RUNX1: variants seen among roughly 807,000 people sequenced by gnomAD.
RUNX1 encodes RUNX family transcription factor 1.
In RUNX1, 19 loss-of-function variants were observed where a neutral mutation model predicts 42.8. That is an observed-to-expected ratio of 0.44 (90% CI 0.31 to 0.65). RUNX1 has a LOEUF of 0.65. Among genes scored for constraint, RUNX1 ranks in the 30% least tolerant of loss-of-function variants. The probability of loss-of-function intolerance (pLI) is 0.07; values close to 1 mark genes in which losing one functional copy is unlikely to be tolerated. For synonymous variants in RUNX1, 271 were observed against 289.4 expected, an observed-to-expected ratio of 0.94 and a Z score of 0.64; for missense variants, 528 against 672.0, an observed-to-expected ratio of 0.79 and a Z score of 2.37.
At chr21:35,005,808 T>C (rs866144493) in intron 2 of RUNX1, among the ~76,000 whole-genome samples, 8 of 152,340 alleles carry the variant, frequency 5.3e-5, no homozygotes, top group Admixed American at 6.5e-5. Flanking sequence ...TTGAATTTCA[T>C]GCCAGTGTCA....
rs2057997947 is a variant in RUNX1, at chr21:34,886,872, A to T, written c.322T>A (p.Cys108Ser). 6.2e-7 allele frequency: 1 copy of T among 1,613,466 alleles called. No homozygotes were observed. Among genetic ancestry groups the T allele is most frequent in the African/African-American group, 1.3e-5 (1 of 74,896 alleles). The change falls in exon 4 of 9, where the codon TGC (cysteine) becomes AGC (serine). Residue 108 changes from cysteine to serine, a missense_variant. By Grantham distance (112) the Cys-to-Ser change is moderately radical (BLOSUM62 -1). Coordinates refer to ENST00000675419, the MANE Select transcript of RUNX1 (RefSeq NM_001754.5). ...AAAGCGATGGGCAGGGTCTTGTTGC[A>T]GCGCCAGTGCGTAGGCAGCACGGAG... The part of the protein sequence containing the change: ...LCSVLPTHWR[C>S]NKTLPIAFKV...
chr21:34,970,936 G>T (rs1240862312), intron 2 of RUNX1, among the ~76,000 whole-genome samples: 1 of 152,178 alleles, frequency 6.6e-6, no homozygotes, highest in African/African-American at 2.4e-5. Context: ...TTGCAGTAAT[G>T]GCTCAACTAC....
intron 2 of RUNX1, among the ~76,000 whole-genome samples, chr21:34,980,024 G>A (rs1438885035): frequency 2.0e-5 from 3 of 152,196 alleles, no homozygotes; most frequent in Non-Finnish European, 2.9e-5. Flanking sequence ...TAAACAACAC[G>A]AATCCTGCAG....
chr21:34,998,821 G>A (rs1216089727), intron 2 of RUNX1, among the ~76,000 whole-genome samples: 2 of 152,176 alleles, frequency 1.3e-5, no homozygotes, highest in Non-Finnish European at 2.9e-5. Flanking sequence ...GATTACAGGC[G>A]TGAGCCACCG....
intron 2 of RUNX1, among the ~76,000 whole-genome samples, chr21:34,946,729 G>A (rs2058565864): frequency 6.6e-6 from 1 of 152,170 alleles, no homozygotes; most frequent in Non-Finnish European, 1.5e-5. Flanking sequence ...AGGGCTGTCT[G>A]GTGACCTACA....
At chr21:34,822,092 G>A (rs2056916753) in intron 7 of RUNX1, among the ~76,000 whole-genome samples, 1 of 152,196 alleles carries the variant, frequency 6.6e-6, no homozygotes, top group Non-Finnish European at 1.5e-5. Flanking sequence ...GAGAATGTTA[G>A]TTAGGGGTGA....
At chr21:34,891,502 G>C (rs1601539730) in intron 3 of RUNX1, among the ~76,000 whole-genome samples, 2 of 152,228 alleles carry the variant, frequency 1.3e-5, no homozygotes, top group Non-Finnish European at 2.9e-5. Context: ...TAGTCGGCCG[G>C]GCATTTTACG....
At chr21:34,807,122 A>G (rs2056690860) in intron 7 of RUNX1, among the ~76,000 whole-genome samples, 1 of 152,150 alleles carries the variant, frequency 6.6e-6, no homozygotes, top group Non-Finnish European at 1.5e-5. Flanking sequence ...ACTAGGAACC[A>G]GTGAAATTAA....
intron 2 of RUNX1, among the ~76,000 whole-genome samples, chr21:34,991,940 G>GGAGTGCTGGC (rs1402535807): frequency 6.6e-6 from 1 of 152,212 alleles, no homozygotes; most frequent in Non-Finnish European, 1.5e-5. Flanking sequence ...CAGAAGCTAA[G>GGAGTGCTGGC]GAGTGCTGGC....
intron 2 of RUNX1, among the ~76,000 whole-genome samples, chr21:34,949,908 G>C (rs1015974984): frequency 1.3e-5 from 2 of 152,190 alleles, no homozygotes; most frequent in African/African-American, 4.8e-5. Flanking sequence ...ATGTCCCTCC[G>C]AACTGACTGG....
intron 7 of RUNX1, among the ~76,000 whole-genome samples, chr21:34,814,000 A>G (rs1392380465): frequency 6.6e-6 from 1 of 152,118 alleles, no homozygotes; most frequent in Non-Finnish European, 1.5e-5. Flanking sequence ...CCTCCCATCA[A>G]TCTAGTTACC....
At chr21:34,868,248 C>T (rs374398560) in intron 5 of RUNX1, among the ~76,000 whole-genome samples, 5 of 152,058 alleles carry the variant, frequency 3.3e-5, no homozygotes, top group East Asian at 1.9e-4. Context: ...ACATGCCTGG[C>T]GCTGCTTGAA....
At chr21:34,993,719 G>GCA (rs772316421) in intron 2 of RUNX1, among the ~76,000 whole-genome samples, 2 of 23,696 alleles carry the variant, frequency 8.4e-5, no homozygotes, top group East Asian at 9.3e-4. Context: ...ACACACACAG[G>GCA]CACACACACA....
intron 5 of RUNX1, among the ~76,000 whole-genome samples, chr21:34,860,287 T>C (rs919242283): frequency 1.3e-5 from 2 of 152,230 alleles, no homozygotes; most frequent in African/African-American, 4.8e-5. Context: ...AAAATCTTCA[T>C]TGCATAGATT....
chr21:34,802,745 T>C (rs766035150), intron 7 of RUNX1, among the ~76,000 whole-genome samples: 2 of 152,174 alleles, frequency 1.3e-5, no homozygotes, highest in Non-Finnish European at 2.9e-5. Flanking sequence ...GTTCTGCCTC[T>C]GAGAGGAGGA....
intron 2 of RUNX1, among the ~76,000 whole-genome samples, chr21:34,924,846 G>A (rs982377398): frequency 2.6e-5 from 4 of 152,216 alleles, no homozygotes; most frequent in African/African-American, 9.6e-5. Context: ...TCTGGAGGGA[G>A]CCTGCTTCCT....
chr21:35,046,920 G>A (rs918286907), intron 2 of RUNX1, among the ~76,000 whole-genome samples: 4 of 152,180 alleles, frequency 2.6e-5, no homozygotes, highest in African/African-American at 9.6e-5. Flanking sequence ...AAAGCTAACC[G>A]ACCCTTGTTC....
chr21:35,031,176 C>T (rs2059270440), intron 2 of RUNX1, among the ~76,000 whole-genome samples: 1 of 152,170 alleles, frequency 6.6e-6, no homozygotes, highest in Non-Finnish European at 1.5e-5. Flanking sequence ...TGGAGAGACC[C>T]TGTCTCTACT....
At chr21:34,859,214 C>G (rs922411335) in intron 6 of RUNX1, 2 of 524,448 alleles carry the variant, frequency 3.8e-6, no homozygotes, top group African/African-American at 3.8e-5. Context: ...TCATGCTGCC[C>G]TGAATGGTTC....
Sources: allele counts gnomAD v4.1 joint callset (sites outside exome capture counted in the v4.1 genomes callset), GRCh38; gene constraint gnomAD v4.1.1; transcripts MANE v1.5; gene names NCBI Gene and HGNC (gene_info 2026-07-23, HGNC 2026-07-21).